ERBB4: variants seen among roughly 807,000 people sequenced by gnomAD.
The protein encoded by ERBB4 is receptor tyrosine-protein kinase erbB-4.
A neutral mutation model predicts 158.0 loss-of-function variants in ERBB4; 42 were observed. The ratio of observed to expected loss-of-function variants is 0.27; its 90% CI spans 0.21 to 0.34. The LOEUF (loss-of-function observed/expected upper bound fraction) is 0.34. Ranked by LOEUF, ERBB4 falls within the 10% of genes least tolerant of loss-of-function variation. The pLI, the probability that ERBB4 is intolerant of heterozygous loss-of-function variation, is 1.00. For missense variants in ERBB4, 1,333 were observed against 1,624.1 expected (o/e 0.82, Z 3.08); for synonymous variants, 583 against 558.7 (o/e 1.04, Z -0.61).
intron 20 of ERBB4, among the ~76,000 whole-genome samples, chr2:211,442,529 T>C (rs2064006111): frequency 6.6e-6 from 1 of 152,154 alleles, no homozygotes; most frequent in Non-Finnish European, 1.5e-5. Context: ...TAAACTTGTA[T>C]GCTCAGACTT....
At chr2:212,267,241 A>G (rs1676837238) in intron 1 of ERBB4, among the ~76,000 whole-genome samples, 1 of 151,994 alleles carries the variant, frequency 6.6e-6, no homozygotes, top group Non-Finnish European at 1.5e-5. Context: ...TAAAATCAGA[A>G]CATGGGAAAA....
At chr2:211,713,388 G>T (rs907761852) in intron 8 of ERBB4, 147 bp downstream of exon 8, 95 of 670,238 alleles carry the variant, frequency 1.4e-4, no homozygotes, top group Non-Finnish European at 2.3e-4. Context: ...TTCATATTTT[G>T]AGTAACTGTT....
rs755062215 is a variant in ERBB4, at chr2:211,387,996, A to G, written c.3136-4T>C. Reference sequence around the variant, plus strand: ...GAGGGCTGTGTCCAATTTCACTCTAATAGGAAAGAAAAATGGAATGATGGA... The same window carrying G: ...GAGGGCTGTGTCCAATTTCACTCTAGTAGGAAAGAAAAATGGAATGATGGA... On this transcript the variant is annotated splice_region_variant and splice_polypyrimidine_tract_variant and intron_variant, in intron 25 of 27. Transcript: ENST00000342788. The G allele has an allele frequency of 3.1e-6, 5 of 1,593,938 alleles. No individual in the cohort carries two copies. The highest frequency in any genetic ancestry group is 4.3e-6 in the Non-Finnish European group (5 of 1,161,696).
intron 16 of ERBB4, among the ~76,000 whole-genome samples, chr2:211,653,482 C>CT (rs2071085425): frequency 6.8e-6 from 1 of 148,048 alleles, no homozygotes; most frequent in African/African-American, 2.5e-5. Flanking sequence ...CACCCGCCCC[C>CT]CCCCACGCCC....
chr2:211,722,729 T>C (rs1414999686), intron 6 of ERBB4, among the ~76,000 whole-genome samples, 195 bp from the exon 7 acceptor site: 19 of 152,254 alleles, frequency 1.2e-4, no homozygotes, highest in Non-Finnish European at 5.9e-5. Flanking sequence ...GGAAAATTTA[T>C]GGCTACTGAT....
At chr2:211,971,690 G>T (rs1224092675) in intron 2 of ERBB4, among the ~76,000 whole-genome samples, 1 of 152,080 alleles carries the variant, frequency 6.6e-6, no homozygotes, top group Non-Finnish European at 1.5e-5. Context: ...ACATCAAAAA[G>T]CTTATCCATT....
At chr2:211,975,677 T>C (rs1396823314) in intron 2 of ERBB4, among the ~76,000 whole-genome samples, 1 of 152,194 alleles carries the variant, frequency 6.6e-6, no homozygotes, top group African/African-American at 2.4e-5. Context: ...TAGAATGTCT[T>C]ACCTGAGAAT....
chr2:211,393,751 G>A (rs866327581), intron 25 of ERBB4, among the ~76,000 whole-genome samples: 6,181 of 128,670 alleles, frequency 0.048, 219 homozygotes, highest in African/African-American at 0.12. Context: ...GTGTGTGTGT[G>A]TGTGTGTGTG....
At position 211,379,544 on chromosome 2, in the gene ERBB4, C is replaced by G. The variant is rs2062539539; in HGVS notation, c.*4071G>C. The G allele has an allele frequency of 4.3e-6, 1 of 230,942 alleles. No individual in the cohort carries two copies. The highest frequency in any genetic ancestry group is 6.2e-5 in the East Asian group (1 of 16,242). 14.3% of individuals were successfully genotyped at this position (230,942 alleles called of 1,614,324 possible). A position where few individuals can be genotyped will look rare whatever the true frequency, so the allele number is the denominator to read the frequency against. ...TATCTTTTTACTATGCAAAATCCAT[C>G]CTACATTTTTATATCCTGCATTTAA... On this transcript the variant is annotated 3_prime_UTR_variant, in exon 28 of 28. Transcript: ENST00000342788.
intron 19 of ERBB4, among the ~76,000 whole-genome samples, chr2:211,586,299 TA>T (rs2068275737): frequency 6.6e-6 from 1 of 152,076 alleles, no homozygotes; most frequent in Admixed American, 6.5e-5. Context: ...CTCTTTAACA[TA>T]TAAAGAGTAT....
chr2:212,327,954 A>C (rs17347215), intron 1 of ERBB4, among the ~76,000 whole-genome samples: 5,565 of 151,516 alleles, frequency 0.037, 139 homozygotes, highest in South Asian at 0.082. Context: ...CTAATGATTT[A>C]GTATTTGTCA....
chr2:211,496,149 A>G (rs989643479), intron 20 of ERBB4, among the ~76,000 whole-genome samples: 2 of 151,916 alleles, frequency 1.3e-5, no homozygotes, highest in African/African-American at 4.8e-5. Context: ...TTATCTCTCT[A>G]TCATCCTAAT....
intron 3 of ERBB4, among the ~76,000 whole-genome samples, chr2:211,932,986 A>G (rs1456423759): frequency 6.6e-6 from 1 of 152,076 alleles, no homozygotes; most frequent in African/African-American, 2.4e-5. Flanking sequence ...TTGAATAGTT[A>G]CTTAAATTAT....
chr2:211,834,476 G>T (rs1319034351), intron 3 of ERBB4, among the ~76,000 whole-genome samples: 3 of 142,724 alleles, frequency 2.1e-5, no homozygotes, highest in African/African-American at 7.4e-5. Flanking sequence ...TCAACAAGTG[G>T]GTCACTTAAA....
chr2:212,289,807 A>G (rs575446883), intron 1 of ERBB4, among the ~76,000 whole-genome samples: 1 of 152,294 alleles, frequency 6.6e-6, no homozygotes, highest in Non-Finnish European at 1.5e-5. Flanking sequence ...TTTTGAAAAA[A>G]CAAAAAACTT....
intron 1 of ERBB4, among the ~76,000 whole-genome samples, chr2:212,499,749 C>T (rs1043953444): frequency 2.0e-5 from 3 of 152,016 alleles, no homozygotes; most frequent in Non-Finnish European, 4.4e-5. Flanking sequence ...GGTAAAGAAG[C>T]TGGTCTGGTG....
chr2:211,517,219 C>T (rs1236316531), intron 20 of ERBB4, among the ~76,000 whole-genome samples: 1 of 152,062 alleles, frequency 6.6e-6, no homozygotes, highest in Non-Finnish European at 1.5e-5. Flanking sequence ...AAAAATAAGA[C>T]TAACATAAAA....
intron 4 of ERBB4, among the ~76,000 whole-genome samples, chr2:211,783,488 G>T (rs2076083674): frequency 6.6e-6 from 1 of 152,196 alleles, no homozygotes. Context: ...CATTCAGTAT[G>T]ATATTGGCTG....
At chr2:212,356,618 A>G (rs2089473305) in intron 1 of ERBB4, among the ~76,000 whole-genome samples, 1 of 151,946 alleles carries the variant, frequency 6.6e-6, no homozygotes, top group African/African-American at 2.4e-5. Flanking sequence ...TCTAAAAATA[A>G]GTCAATACAT....
Sources: allele counts gnomAD v4.1 joint callset (sites outside exome capture counted in the v4.1 genomes callset), GRCh38; gene constraint gnomAD v4.1.1; transcripts MANE v1.5; gene names NCBI Gene and HGNC (gene_info 2026-07-23, HGNC 2026-07-21).